The following PCDHGB1 variants were observed in gnomAD, a reference collection of about 807,000 sequenced individuals.
The protein encoded by PCDHGB1 is protocadherin gamma subfamily B, 1.
Under a neutral mutation model 56.6 loss-of-function variants are expected in PCDHGB1, and 34 were observed. The observed-to-expected ratio is 0.60, with a 90% CI of 0.46 to 0.80. The LOEUF is 0.80. Ranked by LOEUF, PCDHGB1 falls within the 30% of genes least tolerant of loss-of-function variation. PCDHGB1 has a pLI of 0.00. For synonymous variants in PCDHGB1, 561 were observed against 505.9 expected (o/e 1.11, Z -1.46); for missense variants, 1,278 against 1,204.6 (o/e 1.06, Z -0.90).
intron 1 of PCDHGB1, chr5:141,412,659 C>T (rs1013218327): frequency 7.9e-5 from 12 of 152,212 alleles, no homozygotes; most frequent in African/African-American, 2.4e-4. Flanking sequence ...TACCTAGACA[C>T]TAATATGACC....
chr5:141,366,266 G>C (rs1014933070), intron 1 of PCDHGB1: 8 of 1,613,680 alleles, frequency 5.0e-6, no homozygotes, highest in Non-Finnish European at 6.8e-6. Flanking sequence ...CGTGGTGGCC[G>C]TCGAAGACCA....
chr5:141,390,371 T>C (rs761971479), intron 1 of PCDHGB1: 15 of 1,499,488 alleles, frequency 1.0e-5, no homozygotes, highest in Non-Finnish European at 3.6e-6. Context: ...GGAAAATATA[T>C]AATTTTTAGA....
chr5:141,485,961 A>G lies in PCDHGB1; in HGVS notation c.2410-8846A>G. Reference sequence around the variant, plus strand: ...GCACCAGCGGGCATGGTGCTCATCCAGCTCAATGCCTCAGACCCGGACCTG... The same window carrying G: ...GCACCAGCGGGCATGGTGCTCATCCGGCTCAATGCCTCAGACCCGGACCTG... On this transcript the variant is annotated intron_variant, in intron 1 of 3. Coordinates refer to ENST00000523390, the MANE Select transcript of PCDHGB1 (RefSeq NM_018922.3). This position sits in a 1 kb window ranked among gnomAD's most constrained non-coding sequence, Gnocchi z 5.7. 1 of 1,614,204 alleles carries G rather than the reference A, an allele frequency of 6.2e-7. No individual in the cohort carries two copies. Among genetic ancestry groups the G allele is most frequent in the Non-Finnish European group, 8.5e-7 (1 of 1,180,028 alleles).
intron 1 of PCDHGB1, chr5:141,362,235 A>C: frequency 6.2e-7 from 1 of 1,613,852 alleles, no homozygotes; most frequent in East Asian, 2.2e-5. Context: ...CCTTGATCTC[A>C]GTGCTCTTCT....
rs781580216 is a variant in PCDHGB1 at position 141,430,931 on chromosome 5, G to A, written c.2410-63876G>A. The stretch of plus-strand genomic sequence containing the variant: ...CAGGGACCTGGGGCTGGAGCCCCGG[G>A]AGCTCGCGGAGCGCGGAGTCCGCAT... On this transcript the variant is annotated intron_variant, in intron 1 of 3. Coordinates refer to ENST00000523390, the MANE Select transcript of PCDHGB1 (RefSeq NM_018922.3). The A allele has an allele frequency of 1.5e-5, 24 of 1,607,530 alleles. No individual in the cohort carries two copies. In the East Asian group the frequency reaches 4.9e-4, roughly 33 times the overall value.
chr5:141,420,022 TA>T (rs2096459209), intron 1 of PCDHGB1: 1 of 1,613,986 alleles, frequency 6.2e-7, no homozygotes. Flanking sequence ...CTTTCAGCCC[TA>T]CTGCAGGAGA....
At chr5:141,402,103 A>C (rs565155809) in intron 1 of PCDHGB1, among the ~76,000 whole-genome samples, 3 of 152,336 alleles carry the variant, frequency 2.0e-5, no homozygotes, top group African/African-American at 4.8e-5. Flanking sequence ...TTAAGCAATT[A>C]CAAAAATGTG....
intron 1 of PCDHGB1, chr5:141,417,801 G>A (rs368563336): frequency 1.3e-6 from 2 of 1,490,494 alleles, no homozygotes; most frequent in South Asian, 1.4e-5. Context: ...CTTTTAGCGC[G>A]GTAGAGTGCA....
chr5:141,384,493 G>A lies in PCDHGB1; in HGVS notation c.2409+31824G>A, dbSNP rs370485526. The A allele has an allele frequency of 6.2e-7, 1 of 1,614,056 alleles. No individual in the cohort carries two copies. The highest frequency in any genetic ancestry group is 1.3e-5 in the African/African-American group (1 of 74,948). ...GCAGTTGAGAGAACTACAACTAAGA[G>A]TGACTGCACATGACAGCGGGGACCC... On this transcript the variant is annotated intron_variant, in intron 1 of 3. Coordinates refer to ENST00000523390, the MANE Select transcript of PCDHGB1 (RefSeq NM_018922.3).
intron 1 of PCDHGB1, chr5:141,412,235 A>T (rs2095544372): frequency 6.6e-6 from 1 of 152,260 alleles, no homozygotes. Flanking sequence ...AAAAACCTAT[A>T]TCACTACATC....
chr5:141,455,104 G>T (rs2098813087), intron 1 of PCDHGB1, among the ~76,000 whole-genome samples: 1 of 151,780 alleles, frequency 6.6e-6, no homozygotes, highest in Non-Finnish European at 1.5e-5. Flanking sequence ...GAGCCACTGC[G>T]CCCGGTGGGT....
At chr5:141,380,830 A>T (rs1205839306) in intron 1 of PCDHGB1, among the ~76,000 whole-genome samples, 1 of 152,264 alleles carries the variant, frequency 6.6e-6, no homozygotes, top group Non-Finnish European at 1.5e-5. Flanking sequence ...ATTTTGAGGC[A>T]TCAGGTAAAA....
chr5:141,430,048 A>G (rs2097258677), intron 1 of PCDHGB1, among the ~76,000 whole-genome samples: 1 of 152,222 alleles, frequency 6.6e-6, no homozygotes, highest in African/African-American at 2.4e-5. Flanking sequence ...AATGTATACA[A>G]TCACATATCA....
chr5:141,497,466 G>T (rs1047422582), intron 2 of PCDHGB1, among the ~76,000 whole-genome samples: 2 of 152,020 alleles, frequency 1.3e-5, no homozygotes, highest in African/African-American at 4.8e-5. Flanking sequence ...TGGAGATATG[G>T]AGGAGAAGGT....
Position 141,351,855 on chromosome 5 carries a change from A to C in PCDHGB1, c.1595A>C (p.Asp532Ala), listed in dbSNP as rs760608746. Residue 532 changes from aspartate (D) to alanine (A), a missense_variant, in exon 1 of 4, where the codon GAC becomes GCC. Transcript: ENST00000523390. Reference protein sequence around the residue: ...RAFELTLQARDQGSPALSANV... With the variant: ...RAFELTLQARAQGSPALSANV... ...TTCGAGCTCACACTGCAGGCCAGGGACCAGGGCTCCCCCGCGCTCAGCGCC... is the reference window on the plus strand; with the variant it reads ...TTCGAGCTCACACTGCAGGCCAGGGCCCAGGGCTCCCCCGCGCTCAGCGCC... The C allele has an allele frequency of 6.2e-7, 1 of 1,613,236 alleles. No homozygotes were observed. Among genetic ancestry groups the C allele is most frequent in the South Asian group, 1.1e-5 (1 of 91,054 alleles).
intron 1 of PCDHGB1, chr5:141,478,776 A>G (rs961079570): frequency 1.3e-6 from 2 of 1,488,690 alleles, no homozygotes; most frequent in East Asian, 2.5e-5. Flanking sequence ...TCATCTGTGG[A>G]CCTAATTCAC....
intron 1 of PCDHGB1, chr5:141,441,971 G>C: frequency 3.3e-6 from 1 of 298,820 alleles, no homozygotes; most frequent in Admixed American, 4.4e-5. Flanking sequence ...AGGCTCTTCA[G>C]CCTGGAATGC....
intron 1 of PCDHGB1, among the ~76,000 whole-genome samples, chr5:141,474,405 GT>G (rs2099348889): frequency 6.6e-6 from 1 of 152,196 alleles, no homozygotes; most frequent in African/African-American, 2.4e-5. Flanking sequence ...AAGCTCCCCG[GT>G]GATGCCTAGA....
chr5:141,481,348 T>C (rs2099536105), intron 1 of PCDHGB1, among the ~76,000 whole-genome samples: 1 of 152,250 alleles, frequency 6.6e-6, no homozygotes, highest in Non-Finnish European at 1.5e-5. Flanking sequence ...TATTTAAACA[T>C]CTACAGCTGT....
Sources: allele counts gnomAD v4.1 joint callset (sites outside exome capture counted in the v4.1 genomes callset), GRCh38; gene constraint gnomAD v4.1.1; non-coding constraint Gnocchi (gnomAD v3.1); transcripts MANE v1.5; gene names NCBI Gene and HGNC (gene_info 2026-07-23, HGNC 2026-07-21).